PFKFB3: variants seen among roughly 807,000 people sequenced by gnomAD.
PFKFB3 encodes 6-phosphofructo-2-kinase/fructose-2,6-bisphosphatase 3.
In PFKFB3, 33 loss-of-function variants were observed where a neutral mutation model predicts 68.0. The observed-to-expected ratio is 0.49, with a 90% confidence interval of 0.37 to 0.65. The LOEUF is 0.65. Among genes scored for constraint, PFKFB3 ranks in the 30% least tolerant of loss-of-function variants. The pLI is 0.00. For synonymous variants in PFKFB3, 315 were observed against 288.2 expected (o/e 1.09, Z -0.94); for missense variants, 586 against 712.2 (o/e 0.82, Z 2.02).
At chr10:6,248,423 G>A (rs1471147642) in intron 14 of PFKFB3, among the ~76,000 whole-genome samples, 1 of 152,018 alleles carries the variant, frequency 6.6e-6, no homozygotes, top group South Asian at 2.1e-4. Flanking sequence ...GAGGTCAGGG[G>A]TTTGGGACAA....
downstream of PFKFB3, among the ~76,000 whole-genome samples, chr10:6,256,745 T>G (rs11257598): frequency 1.3e-5 from 2 of 152,192 alleles, no homozygotes; most frequent in East Asian, 3.8e-4. Context: ...TAGGCAGAGA[T>G]GGGAGGGCCT....
At chr10:6,208,466 T>G (rs1843945234) in intron 1 of PFKFB3, among the ~76,000 whole-genome samples, 2 of 146,612 alleles carry the variant, frequency 1.4e-5, no homozygotes, top group African/African-American at 5.0e-5. Flanking sequence ...CATGGGAAAT[T>G]GAGTCTGAAG....
chr10:6,283,051 C>T, the PFKFB3 span, among the ~76,000 whole-genome samples: 19 of 152,152 alleles, frequency 1.2e-4, no homozygotes, highest in African/African-American at 4.1e-4. Context: ...CTGCAACCTC[C>T]GCCTCCCAGG....
At chr10:6,226,407 C>A (rs1286864427) in intron 14 of PFKFB3, 42 bp downstream of exon 14, 2 of 1,558,914 alleles carry the variant, frequency 1.3e-6, no homozygotes, top group East Asian at 4.5e-5. Flanking sequence ...GGGACGCATG[C>A]CGGGCGTGAT....
the PFKFB3 span, among the ~76,000 whole-genome samples, chr10:6,302,963 G>A: frequency 0.022 from 3,410 of 152,240 alleles, 71 homozygotes; most frequent in Middle Eastern, 0.051. Context: ...TCGAGGTAAC[G>A]GGATGTCATG....
At chr10:6,147,007 C>T (rs570221953) in intron 1 of PFKFB3, among the ~76,000 whole-genome samples, 3 of 152,326 alleles carry the variant, frequency 2.0e-5, no homozygotes, top group African/African-American at 7.2e-5. Flanking sequence ...AGCCAGGGCA[C>T]AGGCTCTTGG....
At chr10:6,170,122 C>T (rs527538555) in intron 1 of PFKFB3, among the ~76,000 whole-genome samples, 3 of 152,138 alleles carry the variant, frequency 2.0e-5, no homozygotes, top group African/African-American at 7.2e-5. Flanking sequence ...TTAATGAAGA[C>T]GATGGTTTTC....
chr10:6,246,450 C>G (rs1317225519), intron 14 of PFKFB3, among the ~76,000 whole-genome samples: 1 of 151,514 alleles, frequency 6.6e-6, no homozygotes, highest in Non-Finnish European at 1.5e-5. Context: ...GCAATTCTTC[C>G]TGCCCCAGCC....
At chr10:6,305,929 G>GT in the PFKFB3 span, among the ~76,000 whole-genome samples, 5 of 152,176 alleles carry the variant, frequency 3.3e-5, no homozygotes, top group African/African-American at 1.2e-4. Flanking sequence ...CTAAGGGCAG[G>GT]TTTTTTTCCC....
chr10:6,297,085 C>T, the PFKFB3 span, among the ~76,000 whole-genome samples: 1 of 152,244 alleles, frequency 6.6e-6, no homozygotes, highest in African/African-American at 2.4e-5. Flanking sequence ...ATCTGGGTCT[C>T]CTAACACCAA....
intron 1 of PFKFB3, among the ~76,000 whole-genome samples, chr10:6,163,651 C>A (rs1408129369): frequency 2.0e-5 from 3 of 152,040 alleles, no homozygotes; most frequent in Non-Finnish European, 4.4e-5. Flanking sequence ...CCAGCTGGGT[C>A]CCGGGCCCCG....
chr10:6,214,460 T>C (rs148424880), intron 2 of PFKFB3, among the ~76,000 whole-genome samples: 1 of 151,824 alleles, frequency 6.6e-6, no homozygotes, highest in African/African-American at 2.4e-5. Context: ...CATTTAAGAA[T>C]CTCTGCTTGG....
At chr10:6,196,117 C>T (rs929152192) in intron 1 of PFKFB3, among the ~76,000 whole-genome samples, 6 of 150,632 alleles carry the variant, frequency 4.0e-5, no homozygotes, top group African/African-American at 7.3e-5. Context: ...GGTGCTGCCT[C>T]GTGAGCTTGC....
intron 1 of PFKFB3, among the ~76,000 whole-genome samples, chr10:6,192,679 G>A (rs1327096293): frequency 4.0e-5 from 6 of 148,872 alleles, no homozygotes; most frequent in Admixed American, 1.3e-4. Context: ...GTGTGTGTGT[G>A]TGTGTGTGTG....
intron 1 of PFKFB3, among the ~76,000 whole-genome samples, chr10:6,182,856 GC>G (rs1360636813): frequency 6.6e-6 from 1 of 152,220 alleles, no homozygotes; most frequent in Non-Finnish European, 1.5e-5. Context: ...CTGAGCCTCT[GC>G]CAGACAGAGC....
At chr10:6,218,253 C>G (rs1844721923) in intron 6 of PFKFB3, among the ~76,000 whole-genome samples, 2 of 152,244 alleles carry the variant, frequency 1.3e-5, no homozygotes, top group East Asian at 1.9e-4. Context: ...TGTCCACTAG[C>G]AGATAATCAT....
At chr10:6,276,741 C>G in the PFKFB3 span, among the ~76,000 whole-genome samples, 1 of 152,122 alleles carries the variant, frequency 6.6e-6, no homozygotes, top group Admixed American at 6.6e-5. Flanking sequence ...CTCAGTTTCT[C>G]CCAATGTGAC....
chr10:6,175,776 A>G (rs1209028860), intron 1 of PFKFB3, among the ~76,000 whole-genome samples: 1 of 152,238 alleles, frequency 6.6e-6, no homozygotes, highest in Non-Finnish European at 1.5e-5. Flanking sequence ...CTCCCTAATT[A>G]TTCAAGAGAT....
chr10:6,165,978 C>CT (rs35266127), intron 1 of PFKFB3, among the ~76,000 whole-genome samples: 23,912 of 124,826 alleles, frequency 0.19, 3,226 homozygotes, highest in African/African-American at 0.33. Flanking sequence ...CCAGGCTCAA[C>CT]TTTTTTTTTT....
Sources: gnomAD v4.1 joint callset for allele counts (sites outside exome capture counted in the v4.1 genomes callset) on GRCh38, gnomAD v4.1.1 for gene constraint, MANE v1.5 for transcripts, NCBI Gene and HGNC (gene_info 2026-07-23, HGNC 2026-07-21) for gene names.